The following FMN2 variants were observed in gnomAD, a reference collection of about 807,000 sequenced individuals.
FMN2 encodes formin 2.
FMN2 carries 51 observed loss-of-function variants against 142.3 expected under a neutral mutation model. The observed-to-expected ratio is 0.36, with a 90% CI of 0.29 to 0.45. The LOEUF (loss-of-function observed/expected upper bound fraction) is 0.45. Among genes scored for constraint, FMN2 ranks in the 20% least tolerant of loss-of-function variants. The pLI is 1.00. For missense variants in FMN2, 1,936 were observed against 2,122.8 expected (o/e 0.91, Z 1.73); for synonymous variants, 882 against 869.8 (o/e 1.01, Z -0.25).
At chr1:240,219,440 A>C (rs930242931) in intron 6 of FMN2, among the ~76,000 whole-genome samples, 1 of 152,140 alleles carries the variant, frequency 6.6e-6, no homozygotes, top group African/African-American at 2.4e-5. Context: ...GCTGGTGATG[A>C]CACTAGTCAG....
chr1:240,353,204 A>G (rs78247765), intron 13 of FMN2, among the ~76,000 whole-genome samples: 328 of 152,334 alleles, frequency 2.2e-3, no homozygotes, highest in African/African-American at 7.7e-3. Context: ...TATAAAAACA[A>G]TAGCAGCAAT....
At chr1:240,328,559 TTTTATTTATTTATTTATTTATTTATTTA>T (rs200121171) in intron 8 of FMN2, among the ~76,000 whole-genome samples, 1 of 140,316 alleles carries the variant, frequency 7.1e-6, no homozygotes, top group Non-Finnish European at 1.5e-5. Context: ...TTACACTTTA[TTTTATTTATTTATTTATTTATTTATTTA>T]TTTATTTATT....
At chr1:240,196,583 C>T (rs1196283832) in intron 4 of FMN2, among the ~76,000 whole-genome samples, 2 of 152,100 alleles carry the variant, frequency 1.3e-5, no homozygotes, top group Admixed American at 6.6e-5. Flanking sequence ...ATGATCTCGG[C>T]TCACTGCAAC....
At chr1:240,152,361 A>G (rs182896680) in intron 2 of FMN2, among the ~76,000 whole-genome samples, 1 of 151,926 alleles carries the variant, frequency 6.6e-6, no homozygotes, top group African/African-American at 2.4e-5. Flanking sequence ...TTAACTCAAA[A>G]TTGGTTTCCT....
intron 2 of FMN2, among the ~76,000 whole-genome samples, chr1:240,131,702 C>T (rs190099406): frequency 6.6e-6 from 1 of 151,780 alleles, no homozygotes; most frequent in Non-Finnish European, 1.5e-5. Context: ...GAGCGAGACT[C>T]TGTCTCAAAA....
chr1:240,464,212 GCA>G lies in FMN2; in HGVS notation c.5061-8157_5061-8156del, dbSNP rs1340281138. On this transcript the variant is annotated intron_variant, in intron 16 of 17. Coordinates refer to ENST00000319653, the MANE Select transcript of FMN2 (RefSeq NM_020066.5). The stretch of plus-strand genomic sequence containing the variant: ...TTTGTTTTGTTGGTTTAAAATGAGT[GCA>G]CAGCAGCGTTCATCCACACCCATCA... 2.6e-5 allele frequency among the ~76,000 whole-genome samples: 4 copies of G among 152,134 alleles called. No homozygotes were observed. The East Asian group carries it at 7.7e-4, about 29-fold the overall frequency.
chr1:240,435,774 A>G (rs9727055), intron 15 of FMN2, among the ~76,000 whole-genome samples: 22,536 of 152,174 alleles, frequency 0.15, 4,227 homozygotes, highest in African/African-American at 0.44. Context: ...TTTTGATACC[A>G]TACTACCTCG....
At chr1:240,368,081 C>G (rs543855382) in intron 14 of FMN2, among the ~76,000 whole-genome samples, 1 of 152,202 alleles carries the variant, frequency 6.6e-6, no homozygotes, top group South Asian at 2.1e-4. Context: ...TATACTATTC[C>G]ATTAGCCTAT....
At chr1:240,099,433 G>A (rs1661337255) in intron 1 of FMN2, among the ~76,000 whole-genome samples, 1 of 151,772 alleles carries the variant, frequency 6.6e-6, no homozygotes, top group South Asian at 2.1e-4. Context: ...GCATATGATG[G>A]GGTGTGGCTG....
chr1:240,367,566 A>G (rs528991941), intron 14 of FMN2, among the ~76,000 whole-genome samples: 1 of 152,168 alleles, frequency 6.6e-6, no homozygotes, highest in Non-Finnish European at 1.5e-5. Context: ...CAGGAGATCG[A>G]GACCATCCTG....
intron 5 of FMN2, among the ~76,000 whole-genome samples, chr1:240,210,683 G>A (rs1029688355): frequency 2.0e-5 from 3 of 152,180 alleles, no homozygotes; most frequent in Admixed American, 1.3e-4. Flanking sequence ...GCAGTAGGAG[G>A]GAGAGGATGC....
At chr1:240,346,544 C>T (rs767738390) in intron 13 of FMN2, among the ~76,000 whole-genome samples, 54 of 152,236 alleles carry the variant, frequency 3.5e-4, no homozygotes, top group Non-Finnish European at 7.1e-4. Context: ...TACCTCTGGG[C>T]CTGAGAGAGG....
Position 240,123,116 on chromosome 1 carries a change from C to T in FMN2, c.1616-63C>T. The T allele has an allele frequency of 3.1e-6, 5 of 1,587,630 alleles. No homozygotes were observed. The South Asian group carries it at 3.4e-5, about 11-fold the overall frequency. On this transcript the variant is annotated intron_variant, in intron 1 of 17. Coordinates refer to ENST00000319653, the MANE Select transcript of FMN2 (RefSeq NM_020066.5). Reference sequence around the variant, plus strand: ...GCAGTGTTTACCCAGCCGCTGTCCCCTGGCGAGTTCAGAGCCAGGTGATCG... The same window carrying T: ...GCAGTGTTTACCCAGCCGCTGTCCCTTGGCGAGTTCAGAGCCAGGTGATCG...
intron 6 of FMN2, among the ~76,000 whole-genome samples, chr1:240,213,133 G>T (rs1289271720): frequency 6.6e-6 from 1 of 152,132 alleles, no homozygotes; most frequent in Non-Finnish European, 1.5e-5. Context: ...GCATGAAGGG[G>T]TCTCAGCATA....
intron 2 of FMN2, among the ~76,000 whole-genome samples, chr1:240,158,292 C>G (rs1056563227): frequency 5.3e-5 from 8 of 152,150 alleles, no homozygotes; most frequent in Non-Finnish European, 1.0e-4. Flanking sequence ...AGGAAAGCTT[C>G]TATGCTTGGC....
intron 6 of FMN2, among the ~76,000 whole-genome samples, chr1:240,254,380 G>T (rs982473113): frequency 2.0e-5 from 3 of 151,996 alleles, no homozygotes; most frequent in Non-Finnish European, 4.4e-5. Context: ...GAGTGCTCAG[G>T]TGTCAATGGT....
chr1:240,203,728 G>A (rs1225030755), intron 4 of FMN2, among the ~76,000 whole-genome samples: 3 of 152,162 alleles, frequency 2.0e-5, no homozygotes, highest in Admixed American at 6.5e-5. Flanking sequence ...TAGGTGATGG[G>A]TTGATGGGTG....
Position 240,207,328 on chromosome 1 carries a change from C to T in FMN2, c.2516C>T (p.Thr839Ile), listed in dbSNP as rs762477896. ...PPHSISTEFQ[T>I]SHEHSVSSAF... ...CATTCTATTTCTACCGAGTTTCAAACCAGCCACGAACACTCTGTTTCCTCT... is the reference window on the plus strand; with the variant it reads ...CATTCTATTTCTACCGAGTTTCAAATCAGCCACGAACACTCTGTTTCCTCT... Residue 839 changes from threonine (T) to isoleucine (I), a missense_variant, in exon 5 of 18, where the codon ACC (threonine) becomes ATC (isoleucine). Thr to Ile is a moderately conservative substitution (Grantham distance 89). Coordinates refer to ENST00000319653, the MANE Select transcript of FMN2 (RefSeq NM_020066.5). 8.7e-6 allele frequency: 14 copies of T among 1,613,716 alleles called. No homozygotes were observed. The highest frequency in any genetic ancestry group is 5.0e-5 in the Admixed American group (3 of 59,978).
intron 16 of FMN2, among the ~76,000 whole-genome samples, chr1:240,466,362 G>A (rs1676619777): frequency 6.6e-6 from 1 of 151,906 alleles, no homozygotes; most frequent in Non-Finnish European, 1.5e-5. Flanking sequence ...TTATATAGAT[G>A]TTTCAAAATT....
Sources: gnomAD v4.1 joint callset for allele counts (sites outside exome capture counted in the v4.1 genomes callset) on GRCh38, gnomAD v4.1.1 for gene constraint, MANE v1.5 for transcripts, NCBI Gene and HGNC (gene_info 2026-07-23, HGNC 2026-07-21) for gene names.